Variants in NRXN1 observed in about 807,000 individuals in gnomAD.
The protein encoded by NRXN1 is neurexin 1.
A neutral mutation model predicts 150.9 loss-of-function variants in NRXN1; 39 were observed. That is an observed-to-expected ratio of 0.26 (90% confidence interval 0.20 to 0.34). NRXN1 has a LOEUF of 0.34. NRXN1 is among the 10% of genes least tolerant of loss of function. NRXN1 has a pLI of 1.00. For synonymous variants in NRXN1, 924 were observed against 757.0 expected (o/e 1.22, Z -3.62); for missense variants, 1,815 against 1,949.9 (o/e 0.93, Z 1.30).
chr2:50,022,846 G>T (rs958096049), intron 21 of NRXN1: 1 of 152,106 alleles, frequency 6.6e-6, no homozygotes, highest in Non-Finnish European at 1.5e-5. Context: ...TTCATTCAGT[G>T]GCCTGTAAAT....
At chr2:50,990,319 A>C (rs2104978849) in intron 2 of NRXN1, among the ~76,000 whole-genome samples, 1 of 152,196 alleles carries the variant, frequency 6.6e-6, no homozygotes, top group Middle Eastern at 3.4e-3. Context: ...TTAAGAAGGT[A>C]AAAACTTACT....
At chr2:50,877,171 CA>C (rs1678721519) in intron 5 of NRXN1, among the ~76,000 whole-genome samples, 1 of 150,784 alleles carries the variant, frequency 6.6e-6, no homozygotes, top group Admixed American at 6.6e-5. Flanking sequence ...CACACATCCC[CA>C]ACACACACAT....
intron 17 of NRXN1, among the ~76,000 whole-genome samples, chr2:50,321,133 C>T (rs996215039): frequency 3.3e-5 from 5 of 152,138 alleles, no homozygotes; most frequent in Admixed American, 6.5e-5. Flanking sequence ...GGTAGCCTCA[C>T]TGGAACAAAA....
chr2:50,549,373 T>C (rs542143350), intron 9 of NRXN1, among the ~76,000 whole-genome samples: 1 of 151,832 alleles, frequency 6.6e-6, no homozygotes, highest in Non-Finnish European at 1.5e-5. Flanking sequence ...ATGAGCTCTA[T>C]TTTTTTTCAA....
At chr2:50,674,209 C>T (rs542875654) in intron 5 of NRXN1, among the ~76,000 whole-genome samples, 10 of 152,096 alleles carry the variant, frequency 6.6e-5, no homozygotes, top group African/African-American at 2.4e-4. Context: ...GTGATATTGC[C>T]TGGAAGGGTA....
intron 17 of NRXN1, among the ~76,000 whole-genome samples, chr2:50,461,051 T>C (rs2088151887): frequency 6.6e-6 from 1 of 152,034 alleles, no homozygotes; most frequent in East Asian, 1.9e-4. Flanking sequence ...CTTCCATTAG[T>C]TCATATATTG....
intron 17 of NRXN1, among the ~76,000 whole-genome samples, chr2:50,274,714 A>G (rs1262705871): frequency 2.6e-5 from 4 of 152,330 alleles, no homozygotes; most frequent in African/African-American, 7.2e-5. Flanking sequence ...TAAAATGAGC[A>G]TAGGCTGGCT....
intron 8 of NRXN1, among the ~76,000 whole-genome samples, chr2:50,600,722 G>C (rs924106724): frequency 2.0e-5 from 3 of 152,152 alleles, no homozygotes; most frequent in African/African-American, 7.2e-5. Context: ...AGTTTCTACA[G>C]AAATAACTAA....
intron 17 of NRXN1, among the ~76,000 whole-genome samples, chr2:50,423,160 T>C (rs1520438): frequency 0.33 from 50,190 of 152,006 alleles, 8,898 homozygotes; most frequent in African/African-American, 0.45. Context: ...TACTTAAGCC[T>C]TCTCTCACCT....
At chr2:50,160,111 A>G (rs1354627701) in intron 18 of NRXN1, among the ~76,000 whole-genome samples, 1 of 152,106 alleles carries the variant, frequency 6.6e-6, no homozygotes, top group Admixed American at 6.6e-5. Context: ...CCAAACCTTC[A>G]TGGCTTTTTG....
At chr2:50,579,371 G>C (rs1671908275) in intron 8 of NRXN1, among the ~76,000 whole-genome samples, 1 of 152,180 alleles carries the variant, frequency 6.6e-6, no homozygotes. Flanking sequence ...ATCTAATTTA[G>C]AGTGTGATGC....
intron 17 of NRXN1, among the ~76,000 whole-genome samples, chr2:50,384,522 A>AT (rs1558640855): frequency 1.3e-5 from 2 of 150,158 alleles, no homozygotes; most frequent in Admixed American, 6.7e-5. Context: ...AAAAAAAAAA[A>AT]AAAAAAAAAA....
intron 5 of NRXN1, among the ~76,000 whole-genome samples, chr2:50,660,635 C>T (rs1687159592): frequency 1.3e-5 from 2 of 152,096 alleles, no homozygotes; most frequent in African/African-American, 2.4e-5. Context: ...AGGTGAGAGG[C>T]TTGACAGTAG....
At chr2:50,384,822 A>T (rs2081216546) in intron 17 of NRXN1, among the ~76,000 whole-genome samples, 2 of 152,078 alleles carry the variant, frequency 1.3e-5, no homozygotes, top group Admixed American at 6.6e-5. Context: ...CCACCTACAC[A>T]TGGGCCTGTT....
intron 17 of NRXN1, among the ~76,000 whole-genome samples, chr2:50,281,134 C>A (rs1449481753): frequency 6.2e-4 from 84 of 136,318 alleles, no homozygotes; most frequent in African/African-American, 2.1e-3. Context: ...GAAACCCCGT[C>A]TCTACTAAAA....
chr2:51,007,611 T>G (rs1437002873), intron 2 of NRXN1, among the ~76,000 whole-genome samples: 1 of 151,924 alleles, frequency 6.6e-6, no homozygotes, highest in Non-Finnish European at 1.5e-5. Context: ...AATTATTGAT[T>G]GGATAGTTTT....
intron 17 of NRXN1, among the ~76,000 whole-genome samples, chr2:50,424,453 G>A (rs928568270): frequency 6.6e-5 from 10 of 152,088 alleles, no homozygotes; most frequent in Non-Finnish European, 1.2e-4. Context: ...TGAGGACTGG[G>A]AGACACTCTG....
At chr2:50,259,151 T>C (rs963475150) in intron 17 of NRXN1, among the ~76,000 whole-genome samples, 2 of 151,974 alleles carry the variant, frequency 1.3e-5, no homozygotes, top group Non-Finnish European at 2.9e-5. Context: ...AGGCATTGAC[T>C]TTTCTCCTTT....
chr2:51,014,492 A>G (rs1668371938), intron 2 of NRXN1, among the ~76,000 whole-genome samples: 1 of 152,098 alleles, frequency 6.6e-6, no homozygotes, highest in Admixed American at 6.6e-5. Context: ...AAGTTATTAA[A>G]CAGTTAAATG....
Sources: allele counts gnomAD v4.1 joint callset (sites outside exome capture counted in the v4.1 genomes callset), GRCh38; gene constraint gnomAD v4.1.1; transcripts MANE v1.5; gene names NCBI Gene and HGNC (gene_info 2026-07-23, HGNC 2026-07-21).